Variants in TLL1 observed in about 807,000 individuals in gnomAD.
TLL1 encodes tolloid-like protein 1.
TLL1 carries 49 observed loss-of-function variants against 128.2 expected under a neutral mutation model. That is an observed-to-expected ratio of 0.38 (90% CI 0.30 to 0.48). The LOEUF (loss-of-function observed/expected upper bound fraction) is 0.48, where lower values mean the gene tolerates loss of function less well. Among genes scored for constraint, TLL1 ranks in the 20% least tolerant of loss-of-function variants. The pLI, the probability that TLL1 is intolerant of heterozygous loss-of-function variation, is 0.96. For missense variants in TLL1, 1,123 were observed against 1,242.0 expected (o/e 0.90, Z 1.44); for synonymous variants, 454 against 418.8 (o/e 1.08, Z -1.03).
At chr4:165,935,806 A>G (rs1733735396) in intron 1 of TLL1, among the ~76,000 whole-genome samples, 2 of 152,134 alleles carry the variant, frequency 1.3e-5, no homozygotes, top group South Asian at 2.1e-4. Context: ...CTTATAATCT[A>G]TCTGAGGGAG....
At chr4:165,956,621 T>C (rs961954197) in intron 1 of TLL1, among the ~76,000 whole-genome samples, 1 of 151,862 alleles carries the variant, frequency 6.6e-6, no homozygotes, top group Admixed American at 6.6e-5. Flanking sequence ...CTCTTCTTTT[T>C]CAAGGTGCAC....
At chr4:165,932,182 A>G (rs2110907791) in intron 1 of TLL1, among the ~76,000 whole-genome samples, 1 of 152,318 alleles carries the variant, frequency 6.6e-6, no homozygotes, top group Non-Finnish European at 1.5e-5. Flanking sequence ...CTAGTTAGGC[A>G]GTCCACACTT....
chr4:166,031,257 A>C (rs2111079110), intron 9 of TLL1, among the ~76,000 whole-genome samples: 1 of 152,220 alleles, frequency 6.6e-6, no homozygotes, highest in East Asian at 1.9e-4. Flanking sequence ...AAAAAATAGA[A>C]CTATGTACGG....
intron 13 of TLL1, 84 bp downstream of exon 13, chr4:166,055,355 A>C (rs1739955795): frequency 8.3e-7 from 1 of 1,209,182 alleles, no homozygotes. Context: ...GGAGAACTAG[A>C]GAAAGTTGTA....
chr4:166,031,288 A>G (rs563923332), intron 9 of TLL1, among the ~76,000 whole-genome samples: 24 of 152,028 alleles, frequency 1.6e-4, no homozygotes, highest in Non-Finnish European at 3.1e-4. Flanking sequence ...GAATATAAAC[A>G]CATGACTGTT....
chr4:165,920,534 T>TTTA (rs1732998374), intron 1 of TLL1, among the ~76,000 whole-genome samples: 1 of 152,314 alleles, frequency 6.6e-6, no homozygotes, highest in African/African-American at 2.4e-5. Flanking sequence ...AGAAATAATG[T>TTTA]TTATTTGTGA....
At chr4:165,907,407 A>G (rs964940723) in intron 1 of TLL1, among the ~76,000 whole-genome samples, 4 of 152,302 alleles carry the variant, frequency 2.6e-5, no homozygotes, top group Non-Finnish European at 4.4e-5. Flanking sequence ...TTTACTAGGT[A>G]TGTGTGGAAT....
chr4:165,884,866 A>G (rs1414255435), intron 1 of TLL1, among the ~76,000 whole-genome samples: 1 of 152,096 alleles, frequency 6.6e-6, no homozygotes, highest in Non-Finnish European at 1.5e-5. Flanking sequence ...ATAAAATAAA[A>G]TAAATAAAAT....
chr4:165,964,747 A>G lies in TLL1; in HGVS notation c.170-24634A>G, dbSNP rs149574091. 2.7e-3 allele frequency among the ~76,000 whole-genome samples: 408 copies of G among 152,218 alleles called. 6 individuals are homozygous for G. Among genetic ancestry groups the G allele is most frequent in the African/African-American group, 9.2e-3 (383 of 41,552 alleles). On this transcript the variant is annotated intron_variant, in intron 1 of 20. Transcript: ENST00000061240. ...GAGGACAGGAGCCTGGGAAGCAATA[A>G]GAGACCTTGTCTCTACAGAAACAAA... is the stretch of plus-strand genomic sequence containing the variant.
chr4:165,892,806 C>CT (rs1244007236), intron 1 of TLL1, among the ~76,000 whole-genome samples: 1 of 152,186 alleles, frequency 6.6e-6, no homozygotes, highest in East Asian at 1.9e-4. Flanking sequence ...CCTTTAAACT[C>CT]TTGCATTCCT....
chr4:165,946,499 A>ATTTT (rs59178153), intron 1 of TLL1, among the ~76,000 whole-genome samples: 1 of 128,956 alleles, frequency 7.8e-6, no homozygotes, highest in Non-Finnish European at 1.6e-5. Flanking sequence ...TACCCAGCTA[A>ATTTT]TTTTTTTTTT....
intron 1 of TLL1, among the ~76,000 whole-genome samples, chr4:165,902,945 T>C (rs1288399271): frequency 6.6e-6 from 1 of 152,216 alleles, no homozygotes; most frequent in Non-Finnish European, 1.5e-5. Flanking sequence ...CGATTTAAGA[T>C]ACCAACAACA....
At chr4:165,901,134 C>T (rs1579460635) in intron 1 of TLL1, among the ~76,000 whole-genome samples, 1 of 152,122 alleles carries the variant, frequency 6.6e-6, no homozygotes, top group African/African-American at 2.4e-5. Context: ...GTTAACAATT[C>T]CTCTAAACTT....
intron 8 of TLL1, among the ~76,000 whole-genome samples, chr4:166,016,037 C>T (rs1398354942): frequency 6.6e-6 from 1 of 151,738 alleles, no homozygotes. Context: ...ATATGTCTGC[C>T]TAATTTTTCC....
chr4:165,935,734 T>C (rs1296283629), intron 1 of TLL1, among the ~76,000 whole-genome samples: 1 of 152,234 alleles, frequency 6.6e-6, no homozygotes, highest in African/African-American at 2.4e-5. Context: ...TGGCCCATTT[T>C]AGAAATCTGA....
At chr4:166,056,831 G>A (rs1560840434) in intron 13 of TLL1, among the ~76,000 whole-genome samples, 1 of 152,122 alleles carries the variant, frequency 6.6e-6, no homozygotes, top group South Asian at 2.1e-4. Context: ...ACAATGCTCA[G>A]TTAGCAGCAA....
At chr4:166,039,494 A>G in intron 10 of TLL1, 53 bp downstream of exon 10, 1 of 1,346,372 alleles carries the variant, frequency 7.4e-7, no homozygotes, top group East Asian at 2.3e-5. Context: ...GTCCCGTCCA[A>G]AAAAACCAAC....
intron 8 of TLL1, among the ~76,000 whole-genome samples, chr4:166,023,706 A>G (rs1353923656): frequency 6.6e-6 from 1 of 152,062 alleles, no homozygotes; most frequent in African/African-American, 2.4e-5. Flanking sequence ...TATTATCTGG[A>G]CTTATTAATT....
chr4:166,078,393 A>C (rs1341841668), intron 18 of TLL1, among the ~76,000 whole-genome samples: 2 of 152,200 alleles, frequency 1.3e-5, no homozygotes, highest in Admixed American at 6.5e-5. Context: ...ATAATATTTC[A>C]CTTAAACCCG....
Sources: allele counts gnomAD v4.1 joint callset (sites outside exome capture counted in the v4.1 genomes callset), GRCh38; gene constraint gnomAD v4.1.1; transcripts MANE v1.5; gene names NCBI Gene and HGNC (gene_info 2026-07-23, HGNC 2026-07-21).